The following SCN8A variants were observed in gnomAD, a reference collection of about 807,000 sequenced individuals.
SCN8A encodes the protein sodium voltage-gated channel alpha subunit 8.
Under a neutral mutation model 184.1 loss-of-function variants are expected in SCN8A, and 30 were observed. That is an observed-to-expected ratio of 0.16 (90% CI 0.12 to 0.22). The LOEUF (loss-of-function observed/expected upper bound fraction) is 0.22. Ranked by LOEUF, SCN8A falls within the 10% of genes least tolerant of loss-of-function variation. The probability of loss-of-function intolerance (pLI) is 1.00; values close to 1 mark genes in which losing one functional copy is unlikely to be tolerated. For synonymous variants in SCN8A, 852 were observed against 907.0 expected, an observed-to-expected ratio of 0.94 and a Z score of 1.09; for missense variants, 1,057 against 2,498.9, an observed-to-expected ratio of 0.42 and a Z score of 12.30.
chr12:51,762,955 A>T (rs1942783288), intron 15 of SCN8A, among the ~76,000 whole-genome samples: 1 of 152,214 alleles, frequency 6.6e-6, no homozygotes, highest in Admixed American at 6.5e-5. Context: ...TAAGTGAAAA[A>T]TAAGACCCAA....
intron 12 of SCN8A, among the ~76,000 whole-genome samples, chr12:51,740,564 T>C (rs1056531878): frequency 2.0e-5 from 3 of 152,242 alleles, no homozygotes; most frequent in Non-Finnish European, 4.4e-5. Flanking sequence ...ATTTGTGACC[T>C]AACATATGGT....
chr12:51,615,844 G>C (rs1939824963), intron 1 of SCN8A, among the ~76,000 whole-genome samples: 1 of 152,054 alleles, frequency 6.6e-6, no homozygotes, highest in Non-Finnish European at 1.5e-5. Context: ...CAGCCTCCTG[G>C]GTAGATAGGA....
At chr12:51,752,916 T>C (rs765998375) in intron 14 of SCN8A, among the ~76,000 whole-genome samples, 5 of 152,250 alleles carry the variant, frequency 3.3e-5, no homozygotes, top group Non-Finnish European at 5.9e-5. Flanking sequence ...CTGTTTTCCC[T>C]GTAGAGTTTT....
intron 15 of SCN8A, among the ~76,000 whole-genome samples, chr12:51,763,282 T>G (rs981534577): frequency 1.3e-5 from 2 of 152,236 alleles, no homozygotes; most frequent in Admixed American, 6.5e-5. Flanking sequence ...GTCCTGTTTT[T>G]CACTTTCAGT....
rs1342882281 is a variant in SCN8A, at chr12:51,622,162, T to C, written c.-55+30803T>C. On this transcript the variant is annotated intron_variant, in intron 1 of 26. Coordinates refer to ENST00000627620, the MANE Select transcript of SCN8A (RefSeq NM_001330260.2). ...GCATTAGATTTTTTAAAATCAACTT[T>C]TTATTTTGGAATAATTTTAGGTTTA... Among the ~76,000 whole-genome samples the C allele has an allele frequency of 2.0e-5, 3 of 152,372 alleles. No individual in the cohort carries two copies. The East Asian group carries it at 5.8e-4, about 29-fold the overall frequency.
chr12:51,644,658 C>T (rs1054889491), intron 1 of SCN8A, among the ~76,000 whole-genome samples: 3 of 152,110 alleles, frequency 2.0e-5, no homozygotes, highest in Non-Finnish European at 4.4e-5. Flanking sequence ...GGCCGCCACC[C>T]CGTCTGGGAA....
intron 21 of SCN8A, 143 bp downstream of exon 21, chr12:51,780,914 C>T: frequency 9.3e-7 from 1 of 1,078,600 alleles, no homozygotes; most frequent in Non-Finnish European, 1.2e-6. Context: ...CTCTCCCCCA[C>T]ACCTGCCCCG....
At chr12:51,651,111 G>A (rs1219039139) in intron 1 of SCN8A, among the ~76,000 whole-genome samples, 2 of 152,152 alleles carry the variant, frequency 1.3e-5, no homozygotes, top group East Asian at 3.9e-4. Context: ...CACCCTGGGC[G>A]GGCCAGGTGT....
intron 2 of SCN8A, among the ~76,000 whole-genome samples, chr12:51,683,380 G>A (rs1169495528): frequency 6.6e-6 from 1 of 152,216 alleles, no homozygotes; most frequent in Non-Finnish European, 1.5e-5. Context: ...AGCTAGTTTG[G>A]CTAGATGGGA....
At chr12:51,754,075 C>T (rs1393403161) in intron 14 of SCN8A, among the ~76,000 whole-genome samples, 3 of 152,098 alleles carry the variant, frequency 2.0e-5, no homozygotes, top group Non-Finnish European at 4.4e-5. Context: ...TCTACCCTCC[C>T]CAAAAGAGAA....
At chr12:51,781,633 C>T (rs900654654) in intron 21 of SCN8A, among the ~76,000 whole-genome samples, 3 of 152,014 alleles carry the variant, frequency 2.0e-5, no homozygotes, top group Admixed American at 6.5e-5. Flanking sequence ...AACAATTGTG[C>T]GTGTGCGTGC....
chr12:51,740,321 C>G (rs115729908), intron 12 of SCN8A, among the ~76,000 whole-genome samples: 1 of 152,198 alleles, frequency 6.6e-6, no homozygotes, highest in African/African-American at 2.4e-5. Context: ...TGCACTGTAT[C>G]CCATAGGTTT....
intron 1 of SCN8A, among the ~76,000 whole-genome samples, chr12:51,650,565 A>G (rs1455952737): frequency 4.3e-5 from 6 of 140,084 alleles, no homozygotes; most frequent in Non-Finnish European, 7.5e-5. Flanking sequence ...GCTGCAGTGC[A>G]GTGGTGTGAT....
intron 6 of SCN8A, among the ~76,000 whole-genome samples, chr12:51,698,149 C>G (rs1326098909): frequency 3.3e-5 from 5 of 152,200 alleles, no homozygotes; most frequent in African/African-American, 1.2e-4. Context: ...CTACTGCTCC[C>G]AGCTGCTTTG....
rs998035029 is a variant in SCN8A at position 51,803,476 on chromosome 12, A to G, written c.4796-2806A>G. On this transcript the variant is annotated intron_variant, in intron 26 of 26. Coordinates refer to ENST00000627620, the MANE Select transcript of SCN8A (RefSeq NM_001330260.2). Reference sequence around the variant, plus strand: ...ATGCTTTGCATCCTTCATTCCAATCAGGTTGACAATATTAACCATCACAAG... The same window carrying G: ...ATGCTTTGCATCCTTCATTCCAATCGGGTTGACAATATTAACCATCACAAG... Among the ~76,000 whole-genome samples the G allele has an allele frequency of 7.9e-5, 12 of 152,170 alleles. No individual in the cohort carries two copies. In the East Asian group the frequency reaches 2.3e-3, roughly 29 times the overall value.
chr12:51,682,576 A>T (rs188426068), intron 2 of SCN8A, among the ~76,000 whole-genome samples: 2 of 152,214 alleles, frequency 1.3e-5, no homozygotes, highest in African/African-American at 4.8e-5. Context: ...ATACAAAAAA[A>T]CTGGCATCGA....
intron 26 of SCN8A, among the ~76,000 whole-genome samples, chr12:51,799,258 T>G (rs1454909779): frequency 2.6e-5 from 4 of 152,220 alleles, no homozygotes; most frequent in African/African-American, 9.7e-5. Flanking sequence ...CTTTAGGACC[T>G]GCTCGAGCCC....
intron 2 of SCN8A, 131 bp downstream of exon 2, chr12:51,663,224 G>A: frequency 2.8e-6 from 3 of 1,087,730 alleles, no homozygotes; most frequent in Non-Finnish European, 4.0e-6. Context: ...GTTCTGGCTT[G>A]TGGGGATTAT....
At chr12:51,642,601 G>A (rs1449537471) in intron 1 of SCN8A, among the ~76,000 whole-genome samples, 2 of 152,070 alleles carry the variant, frequency 1.3e-5, no homozygotes, top group African/African-American at 2.4e-5. Context: ...AGGCTACTGT[G>A]TATTTTTATA....
Sources: allele counts gnomAD v4.1 joint callset (sites outside exome capture counted in the v4.1 genomes callset), GRCh38; gene constraint gnomAD v4.1.1; transcripts MANE v1.5; gene names NCBI Gene and HGNC (gene_info 2026-07-23, HGNC 2026-07-21).